GPHN: variants seen among roughly 807,000 people sequenced by gnomAD.
The protein encoded by GPHN is gephyrin.
In GPHN, 17 loss-of-function variants were observed where a neutral mutation model predicts 95.5. The ratio of observed to expected loss-of-function variants is 0.18; its 90% CI spans 0.12 to 0.27. The LOEUF (loss-of-function observed/expected upper bound fraction) is 0.27. Among genes scored for constraint, GPHN ranks in the 10% least tolerant of loss-of-function variants. The pLI, the probability that GPHN is intolerant of heterozygous loss-of-function variation, is 1.00. For synonymous variants in GPHN, 320 were observed against 322.5 expected (o/e 0.99, Z 0.08); for missense variants, 660 against 978.1 (o/e 0.67, Z 4.34).
At chr14:67,216,879 T>C in the GPHN span, among the ~76,000 whole-genome samples, 1 of 152,184 alleles carries the variant, frequency 6.6e-6, no homozygotes, top group Admixed American at 6.5e-5. Context: ...AAAGAATGTG[T>C]ACTGTGCAGC....
intron 3 of GPHN, among the ~76,000 whole-genome samples, chr14:66,778,259 A>G (rs1039770392): frequency 2.0e-5 from 3 of 152,206 alleles, no homozygotes; most frequent in Admixed American, 2.0e-4. Context: ...TAGGAATCCA[A>G]CTTACAAGGG....
intron 2 of GPHN, among the ~76,000 whole-genome samples, chr14:66,763,552 C>A (rs2058841530): frequency 6.6e-6 from 1 of 151,330 alleles, no homozygotes; most frequent in East Asian, 1.9e-4. Flanking sequence ...CATCCATGTC[C>A]CTACAAAGGA....
chr14:67,719,304 A>T, the GPHN span, among the ~76,000 whole-genome samples: 1 of 152,202 alleles, frequency 6.6e-6, no homozygotes. Context: ...TAATAAATAC[A>T]TAGTTTGAGG....
rs71129809 is a variant in GPHN, at chr14:66,949,993, GAAAA to G, written c.829-15176_829-15173del. Among the ~76,000 whole-genome samples, 310 of 57,804 alleles carry G rather than the reference GAAAA, an allele frequency of 5.4e-3. 4 individuals carry two copies. The highest frequency in any genetic ancestry group is 0.015 in the African/African-American group (296 of 19,970). The allele number at this position is 57,804 out of a possible 152,430, so 37.9% of individuals were successfully genotyped here. ...ACCAGTGAAATTAGCTTTAGGACAGGAAAAAAAAAAAAAAAAAAAAAAAAAGCAT... is the reference window on the plus strand; with the variant it reads ...ACCAGTGAAATTAGCTTTAGGACAGGAAAAAAAAAAAAAAAAAAAAAGCAT... On this transcript the variant is annotated intron_variant, in intron 8 of 22. Coordinates refer to ENST00000478722, the MANE Select transcript of GPHN (RefSeq NM_020806.5).
chr14:67,188,992 C>G, the GPHN span, among the ~76,000 whole-genome samples: 11 of 152,136 alleles, frequency 7.2e-5, no homozygotes, highest in South Asian at 2.1e-4. Flanking sequence ...CGCCCGGCCT[C>G]AGCTCTGTTT....
intron 3 of GPHN, among the ~76,000 whole-genome samples, chr14:66,778,269 G>C (rs1215949108): frequency 6.6e-6 from 1 of 152,176 alleles, no homozygotes; most frequent in Non-Finnish European, 1.5e-5. Flanking sequence ...ACTTACAAGG[G>C]ACATGAAGGA....
intron 11 of GPHN, 72 bp from the exon 12 acceptor site, chr14:67,088,911 C>A: frequency 1.2e-6 from 1 of 835,594 alleles, no homozygotes; most frequent in Non-Finnish European, 2.1e-6. Context: ...CACTCATGCC[C>A]ATCTTGTTTA....
intron 18 of GPHN, among the ~76,000 whole-genome samples, chr14:67,144,248 A>ATATATAT (rs1205670543): frequency 9.3e-4 from 58 of 62,524 alleles, no homozygotes; most frequent in East Asian, 2.5e-3. Context: ...AAAAAAAAAA[A>ATATATAT]AAATATATAT....
At chr14:67,235,794 CAAATA>C in the GPHN span, among the ~76,000 whole-genome samples, 1 of 151,960 alleles carries the variant, frequency 6.6e-6, no homozygotes, top group African/African-American at 2.4e-5. Flanking sequence ...CAGATGGGTA[CAAATA>C]AAAGAATGAT....
intron 11 of GPHN, among the ~76,000 whole-genome samples, chr14:67,069,173 T>C (rs937705419): frequency 1.3e-5 from 2 of 152,206 alleles, no homozygotes; most frequent in African/African-American, 4.8e-5. Context: ...CTACCCAATG[T>C]AGGGTTATTG....
the GPHN span, among the ~76,000 whole-genome samples, chr14:67,706,811 G>A: frequency 7.8e-4 from 118 of 152,256 alleles, no homozygotes; most frequent in African/African-American, 2.8e-3. Flanking sequence ...AGAAGAAAAT[G>A]AGTCTCTGGT....
At chr14:67,575,327 C>A in the GPHN span, 2 of 954,536 alleles carry the variant, frequency 2.1e-6, no homozygotes, top group Non-Finnish European at 3.2e-6. Context: ...CTTCTATTTG[C>A]CAGTCCTGGA....
At chr14:67,425,304 A>T in the GPHN span, among the ~76,000 whole-genome samples, 2 of 152,134 alleles carry the variant, frequency 1.3e-5, no homozygotes, top group African/African-American at 4.8e-5. Context: ...TAATCCCAAC[A>T]CTTTGGGAGG....
the GPHN span, among the ~76,000 whole-genome samples, chr14:67,273,087 T>C: frequency 6.6e-6 from 1 of 150,722 alleles, no homozygotes. Flanking sequence ...CAGTCAGCCC[T>C]CTATGCTTCA....
At chr14:67,027,827 A>G (rs1433499579) in intron 10 of GPHN, among the ~76,000 whole-genome samples, 2 of 152,172 alleles carry the variant, frequency 1.3e-5, no homozygotes, top group Admixed American at 6.5e-5. Context: ...TGATCAAGTC[A>G]GGGTATTTGG....
At chr14:67,526,734 C>T in the GPHN span, among the ~76,000 whole-genome samples, 1 of 152,100 alleles carries the variant, frequency 6.6e-6, no homozygotes, top group Non-Finnish European at 1.5e-5. Context: ...GCTCAGGGTC[C>T]TTGAAGAAAA....
intron 1 of GPHN, among the ~76,000 whole-genome samples, chr14:66,562,697 G>A (rs191011696): frequency 6.6e-6 from 1 of 152,042 alleles, no homozygotes; most frequent in African/African-American, 2.4e-5. Flanking sequence ...AAATATACGC[G>A]GGAAATCAAT....
chr14:66,984,247 G>A (rs2070873623), intron 9 of GPHN, among the ~76,000 whole-genome samples: 1 of 152,082 alleles, frequency 6.6e-6, no homozygotes, highest in African/African-American at 2.4e-5. Context: ...TTGATATAAA[G>A]ACCTCAGAAA....
chr14:67,465,672 G>A, the GPHN span, among the ~76,000 whole-genome samples: 8 of 152,176 alleles, frequency 5.3e-5, no homozygotes, highest in South Asian at 2.1e-4. Context: ...TCTGCTTCTC[G>A]ACCCCTATAC....
Sources: gnomAD v4.1 joint callset for allele counts (sites outside exome capture counted in the v4.1 genomes callset) on GRCh38, gnomAD v4.1.1 for gene constraint, MANE v1.5 for transcripts, NCBI Gene and HGNC (gene_info 2026-07-23, HGNC 2026-07-21) for gene names.